Variants in KCNMB2 observed in about 807,000 individuals in gnomAD.
KCNMB2 encodes the protein potassium calcium-activated channel subfamily M regulatory beta subunit 2.
A neutral mutation model predicts 24.5 loss-of-function variants in KCNMB2; 9 were observed. The ratio of observed to expected loss-of-function variants is 0.37; its 90% CI spans 0.22 to 0.64. The LOEUF is 0.64. Ranked by LOEUF, KCNMB2 falls within the 30% of genes least tolerant of loss-of-function variation. The pLI is 0.63. For missense variants in KCNMB2, 226 were observed against 284.3 expected (o/e 0.79, Z 1.47); for synonymous variants, 109 against 104.4 (o/e 1.04, Z -0.27).
chr3:178,571,717 T>C (rs2108478057), intron 1 of KCNMB2, among the ~76,000 whole-genome samples: 2 of 151,852 alleles, frequency 1.3e-5, no homozygotes, highest in South Asian at 4.2e-4. Context: ...CGGTGTGTGA[T>C]GTTGCCCTCC....
At chr3:178,771,871 T>A (rs1458013171) in intron 1 of KCNMB2, among the ~76,000 whole-genome samples, 2 of 152,134 alleles carry the variant, frequency 1.3e-5, no homozygotes, top group Non-Finnish European at 2.9e-5. Flanking sequence ...CCTTATCTCT[T>A]TATCTCATAG....
chr3:178,779,135 G>T (rs1712718293), intron 1 of KCNMB2, among the ~76,000 whole-genome samples: 1 of 152,208 alleles, frequency 6.6e-6, no homozygotes, highest in African/African-American at 2.4e-5. Flanking sequence ...TTATTCTCCA[G>T]CTGCACAACA....
rs76026848 is a variant in KCNMB2, at chr3:178,539,832, T to C, written c.-68+3121T>C. ...CTTTTTCAATCTCCTGCTGGTTCCT[T>C]ATTATTTCCTAAACCTTTAAATATT... On this transcript the variant is annotated intron_variant, in intron 1 of 4. Transcript: ENST00000452583. 7.3e-3 allele frequency among the ~76,000 whole-genome samples: 1,107 copies of C among 152,192 alleles called. 14 individuals carry two copies. The highest frequency in any genetic ancestry group is 0.026 in the African/African-American group (1,067 of 41,526).
intron 1 of KCNMB2, among the ~76,000 whole-genome samples, chr3:178,588,388 G>A (rs1319473047): frequency 6.6e-6 from 1 of 152,118 alleles, no homozygotes; most frequent in African/African-American, 2.4e-5. Flanking sequence ...GGAGATGGTA[G>A]AAAGTAATTA....
At chr3:178,726,918 G>C (rs1191768588) in intron 1 of KCNMB2, among the ~76,000 whole-genome samples, 1 of 151,924 alleles carries the variant, frequency 6.6e-6, no homozygotes, top group Non-Finnish European at 1.5e-5. Flanking sequence ...AGTTTCAGCT[G>C]TTCTTTCATT....
intron 1 of KCNMB2, among the ~76,000 whole-genome samples, chr3:178,656,075 A>G (rs1720332009): frequency 6.6e-6 from 1 of 152,234 alleles, no homozygotes; most frequent in Non-Finnish European, 1.5e-5. Flanking sequence ...ATAACCAGAC[A>G]TGTAATTAAG....
At chr3:178,706,760 T>G (rs1005732861) in intron 1 of KCNMB2, among the ~76,000 whole-genome samples, 1 of 152,152 alleles carries the variant, frequency 6.6e-6, no homozygotes, top group Non-Finnish European at 1.5e-5. Context: ...CAAGTGCGCA[T>G]TATAGTCCAC....
At chr3:178,735,233 G>A (rs1723279123) in intron 1 of KCNMB2, among the ~76,000 whole-genome samples, 1 of 152,258 alleles carries the variant, frequency 6.6e-6, no homozygotes, top group African/African-American at 2.4e-5. Context: ...GCAGCATCCA[G>A]TCTGCCACCC....
chr3:178,776,253 C>T (rs970832201), intron 1 of KCNMB2, among the ~76,000 whole-genome samples: 9 of 152,166 alleles, frequency 5.9e-5, no homozygotes, highest in African/African-American at 2.2e-4. Context: ...CACACAGTCC[C>T]CAAAGAGAGT....
At chr3:178,614,385 A>ATGG (rs1480682602) in intron 1 of KCNMB2, among the ~76,000 whole-genome samples, 2 of 145,104 alleles carry the variant, frequency 1.4e-5, no homozygotes, top group African/African-American at 2.5e-5. Context: ...ACAGTTCCAC[A>ATGG]TGGCTGGGGA....
At chr3:178,656,449 A>G (rs1246028321) in intron 1 of KCNMB2, among the ~76,000 whole-genome samples, 3 of 152,180 alleles carry the variant, frequency 2.0e-5, no homozygotes, top group African/African-American at 7.2e-5. Context: ...TAGCAAAGGT[A>G]ACAGGGTGTT....
intron 1 of KCNMB2, among the ~76,000 whole-genome samples, chr3:178,787,596 T>A (rs936030640): frequency 5.3e-5 from 8 of 152,162 alleles, no homozygotes; most frequent in African/African-American, 1.7e-4. Context: ...TCTGTTCATA[T>A]TCTTACCATT....
chr3:178,624,604 T>C (rs71634249), intron 1 of KCNMB2, among the ~76,000 whole-genome samples: 54,330 of 150,650 alleles, frequency 0.36, 10,484 homozygotes, highest in African/African-American at 0.5. Context: ...CTTTCTTTTT[T>C]TTTTTTTTTA....
rs57870985 is a variant in KCNMB2 at position 178,698,389 on chromosome 3, G to C, written c.-67-108954G>C. Among the ~76,000 whole-genome samples the C allele has an allele frequency of 1.7e-3, 253 of 152,280 alleles. 1 individual carries two copies. Among genetic ancestry groups the C allele is most frequent in the African/African-American group, 5.8e-3 (242 of 41,568 alleles). On this transcript the variant is annotated intron_variant, in intron 1 of 4. Transcript: ENST00000452583. Reference sequence around the variant, plus strand: ...AAGCCAATCTTCACGCTATGAGAGTGTTTCCTCCACTTGGTCTATTCTGCT... The same window carrying C: ...AAGCCAATCTTCACGCTATGAGAGTCTTTCCTCCACTTGGTCTATTCTGCT...
intron 1 of KCNMB2, among the ~76,000 whole-genome samples, chr3:178,755,140 G>C (rs1272610894): frequency 6.6e-6 from 1 of 152,226 alleles, no homozygotes. Flanking sequence ...ACGGCAGGCA[G>C]TGTCAGCAAC....
chr3:178,669,021 C>T lies in KCNMB2; in HGVS notation c.-68+132310C>T, dbSNP rs13097477. 5.6e-4 allele frequency among the ~76,000 whole-genome samples: 85 copies of T among 152,124 alleles called. 2 individuals are homozygous for T. The highest frequency in any genetic ancestry group is 1.9e-3 in the African/African-American group (79 of 41,510). ...CTCAGAGGGTTTTCCCTGTCTTCTG[C>T]TTCTTATGAGAAGAGAGAAGTAAGG... On this transcript the variant is annotated intron_variant, in intron 1 of 4. Coordinates refer to ENST00000452583, the MANE Select transcript of KCNMB2 (RefSeq NM_181361.3).
At position 178,618,735 on chromosome 3, in the gene KCNMB2, T is replaced by C. The variant is rs74990216; in HGVS notation, c.-68+82024T>C. On this transcript the variant is annotated intron_variant, in intron 1 of 4. Coordinates refer to ENST00000452583, the MANE Select transcript of KCNMB2 (RefSeq NM_181361.3). ...TGCTTTTTATAGCCTTTTACTTACA[T>C]AGTTTATTCTCTTGTGAATTTAGCC... Among the ~76,000 whole-genome samples the C allele has an allele frequency of 1.9e-3, 285 of 152,352 alleles. 2 individuals are homozygous for C. The highest frequency in any genetic ancestry group is 3.6e-3 in the Non-Finnish European group (244 of 68,026).
chr3:178,730,411 CCACACACA>C (rs71628069), intron 1 of KCNMB2, among the ~76,000 whole-genome samples: 1 of 142,800 alleles, frequency 7.0e-6, no homozygotes, highest in Non-Finnish European at 1.5e-5. Flanking sequence ...CAACACCCCC[CCACACACA>C]CACACACACA....
chr3:178,750,014 T>C (rs775609394), intron 1 of KCNMB2, among the ~76,000 whole-genome samples: 88 of 152,204 alleles, frequency 5.8e-4, no homozygotes, highest in Non-Finnish European at 1.2e-3. Context: ...CAGGAGAGCT[T>C]CCTTTAAGTA....
Sources: allele counts gnomAD v4.1 joint callset (sites outside exome capture counted in the v4.1 genomes callset), GRCh38; gene constraint gnomAD v4.1.1; transcripts MANE v1.5; gene names NCBI Gene and HGNC (gene_info 2026-07-23, HGNC 2026-07-21).